Variants in KCNH3 observed in about 807,000 individuals in gnomAD.
The protein encoded by KCNH3 is voltage-gated inwardly rectifying potassium channel KCNH3.
In KCNH3, 36 loss-of-function variants were observed where a neutral mutation model predicts 95.6. The ratio of observed to expected loss-of-function variants is 0.38; its 90% CI spans 0.29 to 0.50. The LOEUF (loss-of-function observed/expected upper bound fraction) is 0.50, where lower values mean the gene tolerates loss of function less well. Among genes scored for constraint, KCNH3 ranks in the 20% least tolerant of loss-of-function variants. KCNH3 has a pLI of 0.95. For synonymous variants in KCNH3, 620 were observed against 646.3 expected (o/e 0.96, Z 0.62); for missense variants, 1,030 against 1,484.1 (o/e 0.69, Z 5.03).
intron 3 of KCNH3, among the ~76,000 whole-genome samples, chr12:49,542,217 C>G (rs144696985): frequency 6.6e-5 from 10 of 152,150 alleles, no homozygotes; most frequent in African/African-American, 2.4e-4. Context: ...CTGTCAAGGC[C>G]TCTTTGCCAT....
Position 49,539,635 on chromosome 12 carries a change from C to T in KCNH3, c.76+143C>T, listed in dbSNP as rs1937801643. On this transcript the variant is annotated intron_variant, in intron 1 of 14. Transcript: ENST00000257981. The surrounding 1 kb of genome is among the most constrained non-coding windows in gnomAD (Gnocchi z 6.7). Reference sequence around the variant, plus strand: ...TACCCGCCCCTCTTGAGGCTGGGGCCATCGTCTCCTGCTAGGCGCTGTTTC... The same window carrying T: ...TACCCGCCCCTCTTGAGGCTGGGGCTATCGTCTCCTGCTAGGCGCTGTTTC... 1.4e-6 allele frequency: 1 copy of T among 692,334 alleles called. No individual in the cohort carries two copies. The highest frequency in any genetic ancestry group is 2.3e-6 in the Non-Finnish European group (1 of 426,968). The allele number at this position is 692,334 out of a possible 1,614,324, so 42.9% of individuals were successfully genotyped here.
chr12:49,553,060 C>T (rs1938317395), intron 10 of KCNH3, among the ~76,000 whole-genome samples: 1 of 152,194 alleles, frequency 6.6e-6, no homozygotes, highest in Non-Finnish European at 1.5e-5. Context: ...ACAGTCTGAA[C>T]TGCCTGGCGG....
chr12:49,549,426 G>A lies in KCNH3; in HGVS notation c.1469-15G>A, dbSNP rs755936817. ...CAGGTCCCCTAGGTGACCCCCTCTC[G>A]TCACCCTCCCCCAGCCCTGATGCAC... On this transcript the variant is annotated splice_polypyrimidine_tract_variant and intron_variant, in intron 8 of 14. Coordinates refer to ENST00000257981, the MANE Select transcript of KCNH3 (RefSeq NM_012284.3). The A allele has an allele frequency of 1.2e-5, 20 of 1,612,240 alleles. No individual in the cohort carries two copies. Among genetic ancestry groups the A allele is most frequent in the East Asian group, 2.2e-5 (1 of 44,836 alleles).
rs752681578 is a variant in KCNH3 at position 49,555,599 on chromosome 12, CCT to C, written c.2137-20_2137-19del. 10 of 1,476,056 alleles carry C rather than the reference CCT, an allele frequency of 6.8e-6. No homozygotes were observed. The South Asian group carries it at 1.2e-4, about 18-fold the overall frequency. 91.4% of individuals were successfully genotyped at this position (1,476,056 alleles called of 1,614,324 possible). The stretch of plus-strand genomic sequence containing the variant: ...CAATAGTGACCATCCATGCCGATTC[CCT>C]GTCCCTCACTATCCCTAGGTGGACA... On this transcript the variant is annotated intron_variant, in intron 11 of 14. Transcript: ENST00000257981.
chr12:49,555,854 T>C lies in KCNH3; in HGVS notation c.2371T>C (p.Leu791=), dbSNP rs756134117. 4 of 1,612,202 alleles carry C rather than the reference T, an allele frequency of 2.5e-6. No homozygotes were observed. Among genetic ancestry groups the C allele is most frequent in the Non-Finnish European group, 3.4e-6 (4 of 1,179,442 alleles). ...AGGGAGGCCAGGCAGGGCAGGGGCTTTGAAGGCTGAGGCTGGCCCCTCTGC... is the reference window on the plus strand; with the variant it reads ...AGGGAGGCCAGGCAGGGCAGGGGCTCTGAAGGCTGAGGCTGGCCCCTCTGC... ...GRGRPGRAGA[L]KAEAGPSAPP... The change falls in exon 12 of 15, where the codon TTG becomes CTG. Residue 791 remains leucine (L), a synonymous_variant. Coordinates refer to ENST00000257981, the MANE Select transcript of KCNH3 (RefSeq NM_012284.3).
Position 49,557,686 on chromosome 12 carries a change from C to T in KCNH3, c.2985C>T (p.Thr995=). ...SPWPRATAFW[T]STSDSEPPAS... is the part of the protein sequence containing the mutation. Reference sequence around the variant, plus strand: ...GGCCTCGAGCCACAGCTTTCTGGACCTCCACCTCAGACTCAGAGCCCCCTG... The same window carrying T: ...GGCCTCGAGCCACAGCTTTCTGGACTTCCACCTCAGACTCAGAGCCCCCTG... Residue 995 remains threonine, a synonymous_variant, in exon 15 of 15, where the codon ACC becomes ACT. Coordinates refer to ENST00000257981, the MANE Select transcript of KCNH3 (RefSeq NM_012284.3). The T allele has an allele frequency of 6.2e-7, 1 of 1,613,850 alleles. No individual in the cohort carries two copies. The highest frequency in any genetic ancestry group is 8.5e-7 in the Non-Finnish European group (1 of 1,180,008).
intron 3 of KCNH3, among the ~76,000 whole-genome samples, chr12:49,542,084 C>G (rs1403923884): frequency 6.6e-6 from 1 of 152,236 alleles, no homozygotes; most frequent in African/African-American, 2.4e-5. Flanking sequence ...CACCAGGTTC[C>G]TCTTTCCTAC....
At chr12:49,548,095 C>CGTGTGTGTGTGTGTGT (rs369626063) in intron 7 of KCNH3, among the ~76,000 whole-genome samples, 24 of 146,616 alleles carry the variant, frequency 1.6e-4, no homozygotes, top group Admixed American at 4.7e-4. Context: ...CCTGTGACTA[C>CGTGTGTGTGTGTGTGT]GTGTGTGTGT....
chr12:49,549,606 C>T lies in KCNH3; in HGVS notation c.1634C>T (p.Thr545Ile), dbSNP rs1938188977. 1.9e-6 allele frequency: 3 copies of T among 1,611,676 alleles called. No individual in the cohort carries two copies. Among genetic ancestry groups the T allele is most frequent in the Admixed American group, 1.7e-5 (1 of 60,002 alleles). The change falls in exon 9 of 15, where the codon ACC becomes ATC. Residue 545 changes from threonine (T) to isoleucine (I), a missense_variant. Around this residue, in one of 9 missense-constraint regions of KCNH3, gnomAD observed 160 missense variants for 316.2 expected, o/e 0.51. Transcript: ENST00000257981. ...KQRMLEYFQA[T>I]WAVNNGIDTT... is the part of the protein sequence containing the mutation. Reference sequence around the variant, plus strand: ...CGCATGCTGGAGTACTTCCAGGCCACCTGGGCGGTGAACAATGGCATCGAC... The same window carrying T: ...CGCATGCTGGAGTACTTCCAGGCCATCTGGGCGGTGAACAATGGCATCGAC...
chr12:49,549,727 A>C, intron 9 of KCNH3, 87 bp downstream of exon 9: 1 of 1,345,716 alleles, frequency 7.4e-7, no homozygotes, highest in South Asian at 1.3e-5. Flanking sequence ...GGGGAGGATG[A>C]ATGCAGAATT....
Position 49,543,985 on chromosome 12 carries a change from T to C in KCNH3, c.894T>C (p.Ile298=), listed in dbSNP as rs1209198131. Residue 298 remains isoleucine (I), a synonymous_variant, in exon 6 of 15, where the codon ATT becomes ATC. Coordinates refer to ENST00000257981, the MANE Select transcript of KCNH3 (RefSeq NM_012284.3). ...SGQVVFAPKS[I]CLHYVTTWFL... ...AGGTGGTGTTTGCCCCAAAGTCCAT[T>C]TGCCTCCACTACGTCACCACCTGGT... 1.2e-6 allele frequency: 2 copies of C among 1,614,058 alleles called. No homozygotes were observed. The highest frequency in any genetic ancestry group is 1.7e-6 in the Non-Finnish European group (2 of 1,179,880).
At position 49,542,820 on chromosome 12, in the gene KCNH3, G is replaced by A. The variant is rs1472905811; in HGVS notation, c.560G>A (p.Gly187Asp). 3.1e-6 allele frequency: 5 copies of A among 1,606,402 alleles called. No homozygotes were observed. The East Asian group carries it at 6.7e-5, about 22-fold the overall frequency. ...LSGHLQKQPKGKHKLNKGVFG... is the reference protein window; with the variant it reads ...LSGHLQKQPKDKHKLNKGVFG... The stretch of plus-strand genomic sequence containing the variant: ...GGGCACCTGCAGAAGCAGCCCAAGG[G>A]CAAGCACAAGCTCAATAAGGTGGGC... Residue 187 changes from glycine to aspartate, a missense_variant, in exon 4 of 15, where the codon GGC becomes GAC. Physicochemically the swap from Gly to Asp is moderately conservative, Grantham distance 94 (BLOSUM62 -1). This residue lies in a region of KCNH3 where 92 missense variants were observed against 92.7 expected (regional missense o/e 0.99). Coordinates refer to ENST00000257981, the MANE Select transcript of KCNH3 (RefSeq NM_012284.3).
chr12:49,544,145 T>TGCCCAA, intron 6 of KCNH3, 30 bp from the exon 7 acceptor site: 4 of 818,350 alleles, frequency 4.9e-6, no homozygotes, highest in Non-Finnish European at 3.9e-6. Flanking sequence ...CTGACCTCCC[T>TGCCCAA]CCCTCCCTCC....
At position 49,539,573 on chromosome 12, in the gene KCNH3, C is replaced by T; in HGVS notation, c.76+81C>T. ...CCGCCTTCCCCGAACCCCCAGCAGC[C>T]CAGCTTGGCGCCAGCCTATTCTCAC... On this transcript the variant is annotated intron_variant, in intron 1 of 14. Transcript: ENST00000257981. The surrounding 1 kb of genome is among the most constrained non-coding windows in gnomAD (Gnocchi z 6.7). The T allele has an allele frequency of 7.8e-7, 1 of 1,282,308 alleles. No individual in the cohort carries two copies. Among genetic ancestry groups the T allele is most frequent in the South Asian group, 1.3e-5 (1 of 77,676 alleles). The allele number at this position is 1,282,308 out of a possible 1,614,324, so 79.4% of individuals were successfully genotyped here.
intron 12 of KCNH3, 92 bp from the exon 13 acceptor site, chr12:49,556,278 C>T (rs562594268): frequency 1.4e-5 from 13 of 916,902 alleles, no homozygotes; most frequent in Admixed American, 7.1e-5. Flanking sequence ...CTCCTGCAGC[C>T]TGTGTGTGTG....
intron 7 of KCNH3, among the ~76,000 whole-genome samples, chr12:49,546,468 C>T (rs1938065587): frequency 6.6e-6 from 1 of 152,114 alleles, no homozygotes; most frequent in Non-Finnish European, 1.5e-5. Context: ...GCAGCTGGCC[C>T]AGTTCAGTCT....
chr12:49,541,764 GGTAGGTGCAT>G lies in KCNH3; in HGVS notation c.445+9_445+18del, dbSNP rs756650060. 6.2e-7 allele frequency: 1 copy of G among 1,614,032 alleles called. No homozygotes were observed. Among genetic ancestry groups the G allele is most frequent in the Non-Finnish European group, 8.5e-7 (1 of 1,180,020 alleles). ...GGGCCCCGACAGATGGAAGGAGACAGGTAGGTGCATGTAGGTGCTGTGGTCGGGGTATTGG... is the reference window on the plus strand; with the variant it reads ...GGGCCCCGACAGATGGAAGGAGACAGGTAGGTGCTGTGGTCGGGGTATTGG... On this transcript the variant is annotated splice_donor_variant and splice_donor_5th_base_variant and intron_variant, in intron 3 of 14. Transcript: ENST00000257981. LOFTEE classifies it high-confidence loss of function.
chr12:49,555,798 G>C lies in KCNH3; in HGVS notation c.2315G>C (p.Arg772Pro). 1 of 1,613,582 alleles carries C rather than the reference G, an allele frequency of 6.2e-7. No individual in the cohort carries two copies. The highest frequency in any genetic ancestry group is 8.5e-7 in the Non-Finnish European group (1 of 1,179,906). The part of the protein sequence containing the change: ...SSAAKLLSPR[R>P]TAPRPRLGGR... ...GCTGCCAAGCTGCTATCCCCACGTC[G>C]AACAGCACCCCGGCCTCGTCTAGGT... Residue 772 changes from arginine to proline, a missense_variant, in exon 12 of 15, where the codon CGA becomes CCA. Transcript: ENST00000257981.
At chr12:49,550,043 T>TTGCCACCC in intron 9 of KCNH3, 37 bp from the exon 10 acceptor site, 7 of 1,299,540 alleles carry the variant, frequency 5.4e-6, no homozygotes, top group Non-Finnish European at 6.4e-6. Flanking sequence ...CTTCTGCCAC[T>TTGCCACCC]CCCAACCCCC....
Sources: gnomAD v4.1 joint callset for allele counts (sites outside exome capture counted in the v4.1 genomes callset) on GRCh38, gnomAD v4.1.1 for gene constraint, gnomAD v4.1.1 regional missense constraint, Gnocchi (gnomAD v3.1) non-coding constraint, MANE v1.5 for transcripts, NCBI Gene and HGNC (gene_info 2026-07-23, HGNC 2026-07-21) for gene names.